The following ADGRB3 variants were observed in gnomAD, a reference collection of about 807,000 sequenced individuals.
The protein encoded by ADGRB3 is adhesion G protein-coupled receptor B3, also known as brain-specific angiogenesis inhibitor 3.
ADGRB3 carries 37 observed loss-of-function variants against 193.4 expected under a neutral mutation model. That is an observed-to-expected ratio of 0.19 (90% CI 0.15 to 0.25). The LOEUF (loss-of-function observed/expected upper bound fraction) is 0.25. Ranked by LOEUF, ADGRB3 falls within the 10% of genes least tolerant of loss-of-function variation. ADGRB3 has a pLI of 1.00. For missense variants in ADGRB3, 1,637 were observed against 1,852.9 expected (o/e 0.88, Z 2.14); for synonymous variants, 690 against 644.2 (o/e 1.07, Z -1.08).
Position 68,684,433 on chromosome 6 carries a change from G to T in ADGRB3, c.757+45001G>T, listed in dbSNP as rs113305351. ...TTTATAATAATCTTGCTAACTCAGA[G>T]GCAAACAAGTTACAAAAGATGTATT... On this transcript the variant is annotated intron_variant, in intron 3 of 31. Coordinates refer to ENST00000370598, the MANE Select transcript of ADGRB3 (RefSeq NM_001704.3). Among the ~76,000 whole-genome samples the T allele has an allele frequency of 1.6e-3, 242 of 152,104 alleles. 3 individuals carry two copies. Among genetic ancestry groups the T allele is most frequent in the African/African-American group, 5.5e-3 (229 of 41,504 alleles).
At chr6:68,654,682 C>A (rs1768450919) in intron 3 of ADGRB3, among the ~76,000 whole-genome samples, 1 of 151,640 alleles carries the variant, frequency 6.6e-6, no homozygotes, top group South Asian at 2.1e-4. Flanking sequence ...AATCATTTTT[C>A]AATAGTTTGA....
intron 3 of ADGRB3, among the ~76,000 whole-genome samples, chr6:68,902,563 T>C (rs1007445843): frequency 8.5e-5 from 13 of 152,066 alleles, no homozygotes; most frequent in African/African-American, 3.1e-4. Context: ...GGTAAGATAC[T>C]ATTAGTTCAG....
intron 17 of ADGRB3, among the ~76,000 whole-genome samples, chr6:69,202,970 C>T (rs1765460220): frequency 6.6e-6 from 1 of 152,016 alleles, no homozygotes; most frequent in South Asian, 2.1e-4. Flanking sequence ...ATAAATTAGT[C>T]TCCCCAGCTG....
chr6:68,760,380 T>C (rs751033630), intron 3 of ADGRB3, among the ~76,000 whole-genome samples: 18 of 152,210 alleles, frequency 1.2e-4, no homozygotes, highest in Non-Finnish European at 5.9e-5. Context: ...TCAGGGAAGC[T>C]AAAATTCATT....
chr6:69,302,361 A>G (rs1767965233), intron 20 of ADGRB3, among the ~76,000 whole-genome samples: 1 of 151,982 alleles, frequency 6.6e-6, no homozygotes, highest in Admixed American at 6.6e-5. Flanking sequence ...CTGTAAGAAG[A>G]AGGCCTAGAG....
chr6:68,958,148 C>T (rs1277413615), intron 8 of ADGRB3, among the ~76,000 whole-genome samples: 1 of 152,046 alleles, frequency 6.6e-6, no homozygotes, highest in Non-Finnish European at 1.5e-5. Flanking sequence ...TTGCAGTTAG[C>T]CGAGATTGCA....
At chr6:69,100,862 GAAGGAAGGAAGA>G (rs1562159395) in intron 17 of ADGRB3, among the ~76,000 whole-genome samples, 1 of 5,548 alleles carries the variant, frequency 1.8e-4, no homozygotes, top group Non-Finnish European at 4.0e-4. Context: ...GGGAAGGAAG[GAAGGAAGGAAGA>G]AGGAAGGGAG....
At chr6:69,325,086 C>A in intron 21 of ADGRB3, 64 bp downstream of exon 21, 1 of 1,528,454 alleles carries the variant, frequency 6.5e-7, no homozygotes, top group Non-Finnish European at 8.8e-7. Context: ...CATTAGAAAG[C>A]AGTCATGAGT....
chr6:68,743,501 G>A (rs1238060276), intron 3 of ADGRB3, among the ~76,000 whole-genome samples: 1 of 151,722 alleles, frequency 6.6e-6, no homozygotes, highest in Admixed American at 6.6e-5. Flanking sequence ...TATTTTTTGA[G>A]GCTGAACTTT....
rs756309211 is a variant in ADGRB3, at chr6:68,974,839, C to T, written c.1602C>T (p.Phe534=). Residue 534 remains phenylalanine (F), a synonymous_variant, in exon 9 of 32, where the codon TTC becomes TTT. Transcript: ENST00000370598. Reference sequence around the variant, plus strand: ...GAACTCCAGCAGGCGACTTGGCATTCAATCAATGTCCCCTGAATGCCACAG... The same window carrying T: ...GAACTCCAGCAGGCGACTTGGCATTTAATCAATGTCCCCTGAATGCCACAG... ...WKRTPAGDLA[F]NQCPLNATGT... is the part of the protein sequence containing the mutation. 5 of 1,613,928 alleles carry T rather than the reference C, an allele frequency of 3.1e-6. No homozygotes were observed. In the South Asian group the frequency reaches 5.5e-5, roughly 18 times the overall value.
At chr6:68,975,588 G>C (rs987049693) in intron 10 of ADGRB3, among the ~76,000 whole-genome samples, 1 of 152,134 alleles carries the variant, frequency 6.6e-6, no homozygotes, top group Non-Finnish European at 1.5e-5. Context: ...TGGGGGAAAG[G>C]CCTGAGCAAA....
chr6:69,240,284 G>A (rs773799314), intron 20 of ADGRB3, among the ~76,000 whole-genome samples: 10 of 151,970 alleles, frequency 6.6e-5, no homozygotes, highest in Non-Finnish European at 1.3e-4. Context: ...CATTGCCCTA[G>A]GCCAGGGGAA....
intron 20 of ADGRB3, among the ~76,000 whole-genome samples, chr6:69,253,559 G>C (rs1378347883): frequency 6.6e-6 from 1 of 151,922 alleles, no homozygotes. Flanking sequence ...CAGTGCTTTT[G>C]GACTCTTATA....
At chr6:69,023,548 T>C (rs1304490924) in intron 13 of ADGRB3, among the ~76,000 whole-genome samples, 3 of 152,078 alleles carry the variant, frequency 2.0e-5, no homozygotes. Context: ...CCTATTTTAA[T>C]AGAAGCACAT....
At chr6:69,051,795 C>G (rs528534802) in intron 15 of ADGRB3, among the ~76,000 whole-genome samples, 1 of 152,202 alleles carries the variant, frequency 6.6e-6, no homozygotes, top group Non-Finnish European at 1.5e-5. Context: ...TGAGCAGCGT[C>G]CCTGCTAACA....
chr6:69,330,795 C>G (rs1422479513), intron 23 of ADGRB3, among the ~76,000 whole-genome samples: 1 of 151,990 alleles, frequency 6.6e-6, no homozygotes, highest in African/African-American at 2.4e-5. Context: ...TGTGGTATTT[C>G]TCTTACAGTA....
intron 20 of ADGRB3, among the ~76,000 whole-genome samples, chr6:69,259,179 A>C (rs1766851477): frequency 6.6e-6 from 1 of 152,152 alleles, no homozygotes; most frequent in Non-Finnish European, 1.5e-5. Flanking sequence ...TTAATAAGAA[A>C]ATGAGTCAGT....
At chr6:69,216,957 T>C (rs191517820) in intron 17 of ADGRB3, among the ~76,000 whole-genome samples, 352 of 152,318 alleles carry the variant, frequency 2.3e-3, no homozygotes, top group African/African-American at 8.0e-3. Flanking sequence ...GTCCTACCTG[T>C]AACCTGTCTT....
chr6:68,694,219 T>C (rs1360614405), intron 3 of ADGRB3, among the ~76,000 whole-genome samples: 2 of 152,006 alleles, frequency 1.3e-5, no homozygotes, highest in African/African-American at 4.8e-5. Flanking sequence ...GGGCAGTTTT[T>C]CTTTATAGGA....
Sources: gnomAD v4.1 joint callset for allele counts (sites outside exome capture counted in the v4.1 genomes callset) on GRCh38, gnomAD v4.1.1 for gene constraint, MANE v1.5 for transcripts, NCBI Gene and HGNC (gene_info 2026-07-23, HGNC 2026-07-21) for gene names.